The following RELL1 variants were observed in gnomAD, a reference collection of about 807,000 sequenced individuals.
The protein encoded by RELL1 is RELT like 1.
RELL1 carries 10 observed loss-of-function variants against 23.0 expected under a neutral mutation model. The observed-to-expected ratio is 0.43, with a 90% confidence interval of 0.27 to 0.74. RELL1 has a LOEUF of 0.74. Ranked by LOEUF, RELL1 falls within the 30% of genes least tolerant of loss-of-function variation. RELL1 has a pLI of 0.19. For missense variants in RELL1, 315 were observed against 364.4 expected (o/e 0.86, Z 1.10); for synonymous variants, 146 against 146.8 (o/e 0.99, Z 0.04).
chr4:37,604,838 C>G (rs141300883), intron 6 of RELL1, among the ~76,000 whole-genome samples: 1 of 76,236 alleles, frequency 1.3e-5, no homozygotes, highest in South Asian at 4.8e-4. Context: ...CACATACACA[C>G]AGACACACAC....
intron 1 of RELL1, among the ~76,000 whole-genome samples, chr4:37,664,249 G>A (rs1371519444): frequency 1.3e-5 from 2 of 151,966 alleles, no homozygotes; most frequent in South Asian, 2.1e-4. Flanking sequence ...GGTGGCACGT[G>A]CCTGTAGTCC....
chr4:37,669,008 G>A (rs1721660664), intron 1 of RELL1, among the ~76,000 whole-genome samples: 1 of 140,592 alleles, frequency 7.1e-6, no homozygotes, highest in South Asian at 2.2e-4. Flanking sequence ...AGAGAGGTGG[G>A]GGGGTCAGCC....
At chr4:37,624,328 A>G (rs2109248234) in intron 6 of RELL1, among the ~76,000 whole-genome samples, 1 of 152,322 alleles carries the variant, frequency 6.6e-6, no homozygotes, top group South Asian at 2.1e-4. Context: ...TTTTTATAAT[A>G]AAAAGAACTT....
At chr4:37,622,945 C>T (rs1426863553) in intron 6 of RELL1, 6 of 399,212 alleles carry the variant, frequency 1.5e-5, no homozygotes, top group Non-Finnish European at 2.9e-5. Flanking sequence ...GCTGGGACTA[C>T]AGGTGCCCGC....
chr4:37,634,847 CA>C (rs1720263042), intron 5 of RELL1, 39 bp downstream of exon 5: 2 of 1,535,508 alleles, frequency 1.3e-6, no homozygotes, highest in African/African-American at 1.4e-5. Context: ...CCAGAGCACC[CA>C]TGTCACACAC....
chr4:37,655,890 C>T (rs1357078602), intron 1 of RELL1, among the ~76,000 whole-genome samples: 1 of 152,186 alleles, frequency 6.6e-6, no homozygotes, highest in Non-Finnish European at 1.5e-5. Flanking sequence ...GAGAGCACAA[C>T]TAAAATACGA....
chr4:37,646,759 G>C (rs932988030), intron 3 of RELL1, among the ~76,000 whole-genome samples: 3 of 151,942 alleles, frequency 2.0e-5, no homozygotes, highest in Non-Finnish European at 4.4e-5. Flanking sequence ...ACAGAGTCTC[G>C]CTCTGTTACC....
At chr4:37,607,840 G>A (rs949880785), downstream of RELL1, among the ~76,000 whole-genome samples, 4 of 151,974 alleles carry the variant, frequency 2.6e-5, no homozygotes, top group African/African-American at 9.7e-5. Context: ...CGCCTGCCTC[G>A]GCCTCCCAAA....
At chr4:37,668,245 A>T (rs1361909871) in intron 1 of RELL1, among the ~76,000 whole-genome samples, 1 of 65,982 alleles carries the variant, frequency 1.5e-5, no homozygotes, top group Non-Finnish European at 2.8e-5. Flanking sequence ...CCCTCTTTCC[A>T]CGGTCTCCCT....
intron 1 of RELL1, among the ~76,000 whole-genome samples, chr4:37,673,579 T>C (rs1320004804): frequency 6.6e-6 from 1 of 152,208 alleles, no homozygotes; most frequent in African/African-American, 2.4e-5. Flanking sequence ...GCATATCATA[T>C]GGATTGCATT....
intron 1 of RELL1, among the ~76,000 whole-genome samples, chr4:37,662,578 T>TAA (rs11333339): frequency 7.2e-6 from 1 of 138,786 alleles, no homozygotes. Flanking sequence ...AGAAACATCT[T>TAA]AAAAAAAAAA....
At chr4:37,653,910 A>G (rs1300381615) in intron 1 of RELL1, among the ~76,000 whole-genome samples, 1 of 152,174 alleles carries the variant, frequency 6.6e-6, no homozygotes, top group Non-Finnish European at 1.5e-5. Flanking sequence ...TATAGTCCCA[A>G]CTGATGCTCC....
chr4:37,617,111 T>C (rs1217796686), intron 6 of RELL1, among the ~76,000 whole-genome samples: 2 of 152,220 alleles, frequency 1.3e-5, no homozygotes, highest in Non-Finnish European at 2.9e-5. Context: ...ATGCAATCTT[T>C]TAAAATCAGT....
chr4:37,641,622 A>G (rs953645227), intron 3 of RELL1, among the ~76,000 whole-genome samples: 6 of 152,216 alleles, frequency 3.9e-5, no homozygotes, highest in African/African-American at 1.4e-4. Context: ...CTCCCTCAAG[A>G]AAAGGGAATA....
chr4:37,635,462 A>T (rs1020461470), intron 4 of RELL1, among the ~76,000 whole-genome samples: 1 of 151,794 alleles, frequency 6.6e-6, no homozygotes, highest in Admixed American at 6.6e-5. Context: ...CTCGTCTCTG[A>T]AAAAAAATGA....
chr4:37,649,533 A>G (rs2292298), intron 1 of RELL1, 33 bp from the exon 2 acceptor site: 556,910 of 1,577,004 alleles, frequency 0.35, 100,447 homozygotes, highest in Non-Finnish European at 0.38. Flanking sequence ...TGCATTAGAT[A>G]TCTGTCCAGG....
intron 1 of RELL1, chr4:37,665,272 T>A: frequency 2.2e-6 from 1 of 456,296 alleles, no homozygotes; most frequent in Non-Finnish European, 4.4e-6. Context: ...GCTGGACAAC[T>A]GATACACCCC....
intron 3 of RELL1, among the ~76,000 whole-genome samples, chr4:37,639,060 T>C (rs1023885050): frequency 5.9e-5 from 9 of 152,148 alleles, no homozygotes; most frequent in African/African-American, 1.7e-4. Context: ...TTCAGGATCA[T>C]ATAAGCCCTT....
downstream of RELL1, chr4:37,588,882 C>T: frequency 6.2e-7 from 1 of 1,613,318 alleles, no homozygotes. Flanking sequence ...GGTGCAGGTG[C>T]TGTAAAATAA....
Sources: gnomAD v4.1 joint callset for allele counts (sites outside exome capture counted in the v4.1 genomes callset) on GRCh38, gnomAD v4.1.1 for gene constraint, MANE v1.5 for transcripts, NCBI Gene and HGNC (gene_info 2026-07-23, HGNC 2026-07-21) for gene names.